The following MGMT variants were observed in gnomAD, a reference collection of about 807,000 sequenced individuals.
The protein encoded by MGMT is O-6-methylguanine-DNA methyltransferase.
In MGMT, 14 loss-of-function variants were observed where a neutral mutation model predicts 15.9. The observed-to-expected ratio is 0.88, with a 90% CI of 0.58 to 1.37. The LOEUF is 1.37. Among genes scored for constraint, MGMT ranks in the 40% most tolerant of loss-of-function variants. The pLI, the probability that MGMT is intolerant of heterozygous loss-of-function variation, is 0.00. For synonymous variants in MGMT, 130 were observed against 118.2 expected, an observed-to-expected ratio of 1.10 and a Z score of -0.65; for missense variants, 282 against 268.1, an observed-to-expected ratio of 1.05 and a Z score of -0.36.
At chr10:129,477,194 C>CA (rs1845305441) in intron 1 of MGMT, among the ~76,000 whole-genome samples, 1 of 152,210 alleles carries the variant, frequency 6.6e-6, no homozygotes, top group Admixed American at 6.5e-5. Context: ...CCCTCTCTCT[C>CA]AATCTTCCCC....
At chr10:129,577,788 C>T (rs1846502751) in intron 2 of MGMT, among the ~76,000 whole-genome samples, 1 of 152,130 alleles carries the variant, frequency 6.6e-6, no homozygotes, top group African/African-American at 2.4e-5. Flanking sequence ...ACCTACTCCT[C>T]TGGCAAAGGG....
chr10:129,582,539 A>T (rs1301439710), intron 2 of MGMT, among the ~76,000 whole-genome samples: 1 of 152,168 alleles, frequency 6.6e-6, no homozygotes, highest in Non-Finnish European at 1.5e-5. Flanking sequence ...AACTTTTAAA[A>T]GACAGTTACA....
chr10:129,525,449 G>A (rs531499501), intron 1 of MGMT, among the ~76,000 whole-genome samples: 9 of 152,114 alleles, frequency 5.9e-5, no homozygotes, highest in Non-Finnish European at 1.0e-4. Context: ...TGTGCCACGC[G>A]TCAGGTGTTA....
chr10:129,693,590 G>A (rs1188547559), intron 2 of MGMT: 5 of 152,814 alleles, frequency 3.3e-5, no homozygotes, highest in African/African-American at 1.2e-4. Flanking sequence ...GAAGCGGGTA[G>A]CAGTTTGGGA....
intron 2 of MGMT, among the ~76,000 whole-genome samples, chr10:129,690,307 G>A (rs1413837316): frequency 6.6e-6 from 1 of 152,192 alleles, no homozygotes; most frequent in African/African-American, 2.4e-5. Flanking sequence ...CAATTTTAAA[G>A]TAAATTCTGA....
chr10:129,716,620 G>A lies in MGMT; in HGVS notation c.274+8577G>A, dbSNP rs556244105. Among the ~76,000 whole-genome samples, 12 of 152,254 alleles carry A rather than the reference G, an allele frequency of 7.9e-5. No homozygotes were observed. The South Asian group carries it at 1.2e-3, about 16-fold the overall frequency. ...CATATACTTTTCATAGAAAATTCGC[G>A]TCTCTTCCTCTTTTCAGAATAAAAT... On this transcript the variant is annotated intron_variant, in intron 3 of 4. Coordinates refer to ENST00000651593, the MANE Select transcript of MGMT (RefSeq NM_002412.5).
chr10:129,718,988 G>A (rs577665095), intron 3 of MGMT, among the ~76,000 whole-genome samples: 2 of 151,250 alleles, frequency 1.3e-5, no homozygotes, highest in Admixed American at 1.3e-4. Flanking sequence ...GCCGGTCCAT[G>A]TGCCCGCTCA....
chr10:129,583,143 T>C (rs1846576704), intron 2 of MGMT, among the ~76,000 whole-genome samples: 1 of 152,178 alleles, frequency 6.6e-6, no homozygotes, highest in South Asian at 2.1e-4. Context: ...GCAACAAATA[T>C]AATAAATGGT....
chr10:129,487,950 CACAA>C (rs1845426807), intron 1 of MGMT, among the ~76,000 whole-genome samples: 3 of 143,822 alleles, frequency 2.1e-5, no homozygotes, highest in South Asian at 2.2e-4. Context: ...TATATACACA[CACAA>C]ACACACATAG....
At chr10:129,707,009 C>T (rs911398443) in intron 2 of MGMT, among the ~76,000 whole-genome samples, 1 of 152,126 alleles carries the variant, frequency 6.6e-6, no homozygotes, top group East Asian at 1.9e-4. Flanking sequence ...CACCTTTAAT[C>T]CCAGCAGTTT....
intron 2 of MGMT, among the ~76,000 whole-genome samples, chr10:129,618,295 T>C (rs770514189): frequency 1.1e-4 from 16 of 152,116 alleles, no homozygotes; most frequent in Non-Finnish European, 5.9e-5. Flanking sequence ...AGCCTTACGA[T>C]AGATGTTGTA....
chr10:129,682,920 C>T (rs1350470386), intron 2 of MGMT, among the ~76,000 whole-genome samples: 1 of 152,200 alleles, frequency 6.6e-6, no homozygotes, highest in Non-Finnish European at 1.5e-5. Context: ...GCAGTCTTGG[C>T]TCATTGCAAA....
intron 1 of MGMT, among the ~76,000 whole-genome samples, chr10:129,523,336 A>G (rs2388333): frequency 1 from 151,883 of 152,380 alleles, 75,696 homozygotes; most frequent in East Asian, 1. Context: ...GGATGTTAGC[A>G]TAGGAAGTTC....
At chr10:129,508,240 C>T (rs12240468) in intron 1 of MGMT, among the ~76,000 whole-genome samples, 10,034 of 152,036 alleles carry the variant, frequency 0.066, 1,099 homozygotes, top group African/African-American at 0.23. Flanking sequence ...CACTCCAGCC[C>T]GCCTGGAAGC....
chr10:129,636,972 C>CT (rs2133086712), intron 2 of MGMT, among the ~76,000 whole-genome samples: 1 of 152,302 alleles, frequency 6.6e-6, no homozygotes, highest in South Asian at 2.1e-4. Flanking sequence ...AAGTCAGAGG[C>CT]TTTATAAACC....
In MGMT at chr10:129,759,332, A is replaced by T. The variant is rs1848844200; in HGVS notation, c.405A>T (p.Arg135Ser). 3.1e-6 allele frequency: 5 copies of T among 1,614,028 alleles called. No individual in the cohort carries two copies. The highest frequency in any genetic ancestry group is 2.7e-5 in the African/African-American group (2 of 74,908). The change falls in exon 4 of 5, where the codon AGA becomes AGT. Residue 135 changes from arginine to serine, a missense_variant. Physicochemically the swap from Arg to Ser is moderately radical, Grantham distance 110. Transcript: ENST00000651593. Reference protein sequence around the residue: ...KAARAVGGAMRGNPVPILIPC... With the variant: ...KAARAVGGAMSGNPVPILIPC... ...CGCGAGCAGTGGGAGGAGCAATGAG[A>T]GGCAATCCTGTGAGTTCTCATGGCG...
chr10:129,477,378 GCACAGAGTGCTGGA>G (rs1240966160), intron 1 of MGMT, among the ~76,000 whole-genome samples: 2 of 152,172 alleles, frequency 1.3e-5, no homozygotes, highest in African/African-American at 4.8e-5. Context: ...GGAAGGCCCA[GCACAGAGTGCTGGA>G]CACAGGGTGC....
intron 2 of MGMT, among the ~76,000 whole-genome samples, chr10:129,697,254 G>A (rs1848042733): frequency 6.6e-6 from 1 of 152,178 alleles, no homozygotes; most frequent in Non-Finnish European, 1.5e-5. Context: ...GTAAAAGAAA[G>A]TAAATCAAAA....
chr10:129,542,747 G>C (rs760941500), intron 2 of MGMT, among the ~76,000 whole-genome samples: 1 of 152,206 alleles, frequency 6.6e-6, no homozygotes, highest in African/African-American at 2.4e-5. Flanking sequence ...GAAATCGTCT[G>C]TTTTTCAAAA....
Sources: gnomAD v4.1 joint callset for allele counts (sites outside exome capture counted in the v4.1 genomes callset) on GRCh38, gnomAD v4.1.1 for gene constraint, MANE v1.5 for transcripts, NCBI Gene and HGNC (gene_info 2026-07-23, HGNC 2026-07-21) for gene names.